The following CAMK2A variants were observed in gnomAD, a reference collection of about 807,000 sequenced individuals.
The protein encoded by CAMK2A is calcium/calmodulin dependent protein kinase II alpha.
CAMK2A carries 7 observed loss-of-function variants against 79.2 expected under a neutral mutation model. The observed-to-expected ratio is 0.09, with a 90% confidence interval of 0.05 to 0.17. The LOEUF is 0.17. Among genes scored for constraint, CAMK2A ranks in the 10% least tolerant of loss-of-function variants. The pLI is 1.00. For synonymous variants in CAMK2A, 242 were observed against 251.7 expected (o/e 0.96, Z 0.36); for missense variants, 214 against 646.4 (o/e 0.33, Z 7.25).
chr5:150,244,770 CCA>C (rs924071422), intron 13 of CAMK2A, among the ~76,000 whole-genome samples: 4 of 152,142 alleles, frequency 2.6e-5, no homozygotes, highest in Non-Finnish European at 5.9e-5. Flanking sequence ...CCGATCCAGC[CCA>C]CACATAGGCA....
intron 11 of CAMK2A, among the ~76,000 whole-genome samples, chr5:150,248,436 T>G (rs1337226085): frequency 6.6e-6 from 1 of 151,210 alleles, no homozygotes; most frequent in Non-Finnish European, 1.5e-5. Context: ...GCTGCACCCA[T>G]TAACTCGTCA....
At chr5:150,226,744 A>AAGGGGGG (rs1491265849) in intron 17 of CAMK2A, among the ~76,000 whole-genome samples, 1 of 84,486 alleles carries the variant, frequency 1.2e-5, no homozygotes, top group Non-Finnish European at 2.2e-5. Flanking sequence ...AAAAAAAAAA[A>AAGGGGGG]GGGGGGGGGG....
At chr5:150,280,718 C>G (rs1343383242) in intron 1 of CAMK2A, among the ~76,000 whole-genome samples, 1 of 152,264 alleles carries the variant, frequency 6.6e-6, no homozygotes, top group South Asian at 2.1e-4. Context: ...GCATTTGGCC[C>G]CACTGAACAC....
At chr5:150,265,157 CTG>C in intron 2 of CAMK2A, 142 bp from the exon 3 acceptor site, 1 of 675,532 alleles carries the variant, frequency 1.5e-6, no homozygotes, top group Non-Finnish European at 2.7e-6. Flanking sequence ...GCCAGGGCCT[CTG>C]AGTTCTCCAG....
chr5:150,238,060 CACTT>C (rs2114039035), intron 15 of CAMK2A, among the ~76,000 whole-genome samples: 1 of 152,294 alleles, frequency 6.6e-6, no homozygotes, highest in East Asian at 1.9e-4. Context: ...AACTCAAAAA[CACTT>C]ACTTCAAAAG....
intron 3 of CAMK2A, among the ~76,000 whole-genome samples, chr5:150,260,462 A>AG (rs1667028559): frequency 6.6e-6 from 1 of 150,898 alleles, no homozygotes; most frequent in Admixed American, 6.6e-5. Flanking sequence ...CCGTCTCAAA[A>AG]AAAAAAAAAA....
rs1440140929 is a variant in CAMK2A at position 150,284,387 on chromosome 5, G to A, written c.62+5177C>T. On this transcript the variant is annotated intron_variant, in intron 1 of 18. Transcript: ENST00000671881. The surrounding 1 kb of genome is among the most constrained non-coding windows in gnomAD (Gnocchi z 5.3). ...CACGCATGCATCAGCAACAGGATGC[G>A]AGTGTTGCACTCCGAGGCTCTGCCC... is the stretch of plus-strand genomic sequence containing the variant. Among the ~76,000 whole-genome samples the A allele has an allele frequency of 3.9e-5, 6 of 152,152 alleles. No homozygotes were observed. The highest frequency in any genetic ancestry group is 1.9e-4 in the East Asian group (1 of 5,200).
At chr5:150,255,528 G>A (rs557952126) in intron 6 of CAMK2A, among the ~76,000 whole-genome samples, 64 of 152,364 alleles carry the variant, frequency 4.2e-4, no homozygotes, top group African/African-American at 7.2e-4. Context: ...GCTGGAGTCC[G>A]TCTAGGGCTC....
Position 150,256,851 on chromosome 5 carries a change from A to G in CAMK2A, c.273-20T>C. 1 of 1,608,748 alleles carries G rather than the reference A, an allele frequency of 6.2e-7. No homozygotes were observed. The highest frequency in any genetic ancestry group is 8.5e-7 in the Non-Finnish European group (1 of 1,175,690). ...GTGACCCTGGGGAGACAGGCATGGA[A>G]TCACCCTCTAATAGAGGCGACAGGT... On this transcript the variant is annotated intron_variant, in intron 4 of 18. Transcript: ENST00000671881. The surrounding 1 kb of genome is among the most constrained non-coding windows in gnomAD (Gnocchi z 4.6).
At chr5:150,242,744 C>A (rs1408982385) in intron 13 of CAMK2A, among the ~76,000 whole-genome samples, 1 of 152,184 alleles carries the variant, frequency 6.6e-6, no homozygotes. Context: ...CAGTTTCAAT[C>A]GTACTGAAAA....
chr5:150,255,938 G>A (rs569907997), intron 6 of CAMK2A, among the ~76,000 whole-genome samples: 1 of 152,334 alleles, frequency 6.6e-6, no homozygotes, highest in South Asian at 2.1e-4. Flanking sequence ...GATACCATGA[G>A]GATCAGCAGC....
intron 1 of CAMK2A, among the ~76,000 whole-genome samples, chr5:150,273,664 T>C (rs1433430716): frequency 6.6e-6 from 1 of 152,182 alleles, no homozygotes; most frequent in Non-Finnish European, 1.5e-5. Flanking sequence ...CACACACGAA[T>C]GGACTGGACT....
intron 13 of CAMK2A, among the ~76,000 whole-genome samples, chr5:150,244,900 G>A (rs753775178): frequency 1.1e-4 from 17 of 151,930 alleles, no homozygotes; most frequent in Admixed American, 4.6e-4. Context: ...CTTTCCTTGC[G>A]CCTGCCCCCA....
intron 13 of CAMK2A, among the ~76,000 whole-genome samples, chr5:150,240,252 C>T (rs547391264): frequency 6.6e-6 from 1 of 152,168 alleles, no homozygotes; most frequent in Non-Finnish European, 1.5e-5. Context: ...AATCAGGTCC[C>T]CTCTGAGGAG....
chr5:150,250,597 A>G (rs1755788679), intron 10 of CAMK2A, 91 bp downstream of exon 10: 2 of 1,529,364 alleles, frequency 1.3e-6, no homozygotes, highest in Non-Finnish European at 1.8e-6. Flanking sequence ...TCTTGGCCCC[A>G]TGGGCCAGGG....
At chr5:150,274,009 C>T (rs1278629166) in intron 1 of CAMK2A, among the ~76,000 whole-genome samples, 1 of 152,182 alleles carries the variant, frequency 6.6e-6, no homozygotes, top group East Asian at 1.9e-4. Context: ...GAGAGATTGT[C>T]CATATTAAAG....
At chr5:150,229,360 G>A (rs1196086031) in intron 16 of CAMK2A, among the ~76,000 whole-genome samples, 1 of 152,184 alleles carries the variant, frequency 6.6e-6, no homozygotes, top group African/African-American at 2.4e-5. Flanking sequence ...CCAAGAGTGG[G>A]GGTCTGGACA....
rs35699794 is a variant in CAMK2A at position 150,231,404 on chromosome 5, AAATAATAATAAT to A, written c.1067-36_1067-25del. The A allele has an allele frequency of 2.2e-3, 1,070 of 493,008 alleles. 18 individuals carry two copies. The highest frequency in any genetic ancestry group is 0.014 in the East Asian group (361 of 26,050). 30.5% of individuals were successfully genotyped at this position (493,008 alleles called of 1,614,324 possible). ...CACTGTAAGGCAGAAGGGGACACAG[AAATAATAATAAT>A]AATAATAATAATAATAATAATAATA... On this transcript the variant is annotated intron_variant, in intron 15 of 18. Coordinates refer to ENST00000671881, the MANE Select transcript of CAMK2A (RefSeq NM_015981.4).
At chr5:150,269,757 G>A (rs1756660211) in intron 2 of CAMK2A, among the ~76,000 whole-genome samples, 1 of 152,186 alleles carries the variant, frequency 6.6e-6, no homozygotes, top group Admixed American at 6.5e-5. Context: ...GGAACAGGAA[G>A]TACCTGCTCC....
Sources: allele counts gnomAD v4.1 joint callset (sites outside exome capture counted in the v4.1 genomes callset), GRCh38; gene constraint gnomAD v4.1.1; non-coding constraint Gnocchi (gnomAD v3.1); transcripts MANE v1.5; gene names NCBI Gene and HGNC (gene_info 2026-07-23, HGNC 2026-07-21).